Variants in TRIT1 observed in about 807,000 individuals in gnomAD.
TRIT1 encodes the protein tRNA isopentenyltransferase 1.
Under a neutral mutation model 51.2 loss-of-function variants are expected in TRIT1, and 43 were observed. That is an observed-to-expected ratio of 0.84 (90% CI 0.66 to 1.08). TRIT1 has a LOEUF of 1.08. Among genes scored for constraint, TRIT1 ranks in the 50% least tolerant of loss-of-function variants. The probability of loss-of-function intolerance (pLI) is 0.00; values close to 1 mark genes in which losing one functional copy is unlikely to be tolerated. For synonymous variants in TRIT1, 184 were observed against 203.9 expected, an observed-to-expected ratio of 0.90 and a Z score of 0.83; for missense variants, 528 against 578.4, an observed-to-expected ratio of 0.91 and a Z score of 0.89.
At chr1:39,853,005 A>G in intron 3 of TRIT1, 129 bp from the exon 4 acceptor site, 1 of 1,076,488 alleles carries the variant, frequency 9.3e-7, no homozygotes, top group Admixed American at 2.7e-5. Flanking sequence ...AGAGATCATA[A>G]ACAGAAAATT....
intron 1 of TRIT1, among the ~76,000 whole-genome samples, chr1:39,861,890 C>G (rs1480240034): frequency 5.4e-5 from 8 of 149,200 alleles, no homozygotes; most frequent in Non-Finnish European, 1.0e-4. Flanking sequence ...CACCACTGCG[C>G]TCCAGCCTGG....
intron 1 of TRIT1, among the ~76,000 whole-genome samples, chr1:39,858,283 G>T (rs1643017252): frequency 6.6e-6 from 1 of 152,148 alleles, no homozygotes; most frequent in Admixed American, 6.6e-5. Flanking sequence ...TACTTACACG[G>T]GTGTCAAATA....
intron 5 of TRIT1, 146 bp downstream of exon 5, chr1:39,849,973 A>C: frequency 1.2e-6 from 1 of 859,106 alleles, no homozygotes; most frequent in Non-Finnish European, 1.7e-6. Flanking sequence ...TAAGCCAACA[A>C]ATAATGATAA....
chr1:39,875,998 C>T (rs1170832876), intron 1 of TRIT1: 1 of 151,972 alleles, frequency 6.6e-6, no homozygotes, highest in African/African-American at 2.4e-5. Flanking sequence ...TATGATCATT[C>T]CTGTAATGAG....
intron 1 of TRIT1, among the ~76,000 whole-genome samples, chr1:39,875,473 G>C (rs1000093057): frequency 2.6e-5 from 4 of 151,816 alleles, no homozygotes; most frequent in African/African-American, 7.3e-5. Flanking sequence ...GGGTGACAGA[G>C]CGAGACTCTG....
At chr1:39,845,859 G>A (rs1280323355) in intron 8 of TRIT1, among the ~76,000 whole-genome samples, 1 of 152,134 alleles carries the variant, frequency 6.6e-6, no homozygotes, top group Admixed American at 6.5e-5. Context: ...GGGCAGCTGT[G>A]CCTTTCACTC....
At chr1:39,872,810 G>A (rs1211261374) in intron 1 of TRIT1, among the ~76,000 whole-genome samples, 3 of 129,664 alleles carry the variant, frequency 2.3e-5, no homozygotes, top group Non-Finnish European at 4.8e-5. Flanking sequence ...GAGAAAGGAA[G>A]GAAGGGAGGG....
In TRIT1 at chr1:39,857,401, T is replaced by C; in HGVS notation, c.191A>G (p.Asp64Gly). 3 of 1,614,050 alleles carry C rather than the reference T, an allele frequency of 1.9e-6. No individual in the cohort carries two copies. Among genetic ancestry groups the C allele is most frequent in the Non-Finnish European group, 2.5e-6 (3 of 1,179,958 alleles). Residue 64 changes from aspartate (D) to glycine (G), a missense_variant, in exon 2 of 11, where the codon GAC (aspartate) becomes GGC (glycine). Physicochemically the swap from Asp to Gly is moderately conservative, Grantham distance 94. Around this residue, in one of 3 missense-constraint regions of TRIT1, gnomAD observed 468 missense variants for 522.6 expected, o/e 0.90. Coordinates refer to ENST00000316891, the MANE Select transcript of TRIT1 (RefSeq NM_017646.6). ...GGCAGAAACCTTGTTGGTGATGATG[T>C]CTAGGCCTTCATAGACCTAGGGGAA... is the stretch of plus-strand genomic sequence containing the variant. ...ADSMQVYEGL[D>G]IITNKVSAQE...
rs1292074449 is a variant in TRIT1, at chr1:39,841,858, G to A, written c.1290C>T (p.Asp430=). 10 of 1,613,968 alleles carry A rather than the reference G, an allele frequency of 6.2e-6. No individual in the cohort carries two copies. Among genetic ancestry groups the A allele is most frequent in the Non-Finnish European group, 8.5e-6 (10 of 1,179,982 alleles). The change falls in exon 11 of 11, where the codon GAC becomes GAT. Residue 430 remains aspartate (D), a synonymous_variant. Transcript: ENST00000316891. ...TTTCTATGGTGTTGACAGCATCTGA[G>A]TCCAATCTTCTTCTTTTCTTCAGTT... is the stretch of plus-strand genomic sequence containing the variant. The part of the protein sequence containing the change: ...LNQLKKRRRL[D]SDAVNTIESQ...
chr1:39,856,342 G>A (rs1435335830), intron 2 of TRIT1, among the ~76,000 whole-genome samples: 6 of 151,976 alleles, frequency 3.9e-5, no homozygotes, highest in Non-Finnish European at 7.4e-5. Flanking sequence ...TAATCAGCTG[G>A]GTGTGGTGGT....
At chr1:39,853,787 A>G (rs1642729855) in intron 3 of TRIT1, among the ~76,000 whole-genome samples, 183 bp downstream of exon 3, 1 of 152,186 alleles carries the variant, frequency 6.6e-6, no homozygotes, top group South Asian at 2.1e-4. Context: ...GCCCCTTCCC[A>G]TAGACCAGCC....
chr1:39,864,709 C>A (rs6686137), intron 1 of TRIT1, among the ~76,000 whole-genome samples: 13,683 of 151,952 alleles, frequency 0.09, 1,232 homozygotes, highest in East Asian at 0.29. Context: ...CAGTTTTTTA[C>A]GTGTACAGCC....
intron 10 of TRIT1, among the ~76,000 whole-genome samples, chr1:39,843,484 CT>C (rs1270695218): frequency 6.6e-6 from 1 of 152,170 alleles, no homozygotes; most frequent in Non-Finnish European, 1.5e-5. Flanking sequence ...GGGATAGAGC[CT>C]TAGGGTGGGG....
At position 39,883,402 on chromosome 1, in the gene TRIT1, C is replaced by T; in HGVS notation, c.90G>A (p.Gly30=). 1 of 1,613,810 alleles carries T rather than the reference C, an allele frequency of 6.2e-7. No individual in the cohort carries two copies. Among genetic ancestry groups the T allele is most frequent in the South Asian group, 1.1e-5 (1 of 91,046 alleles). Residue 30 remains glycine (G), a synonymous_variant, in exon 1 of 11, where the codon GGG becomes GGA. Transcript: ENST00000316891. The part of the protein sequence containing the change: ...QRTLPLVVIL[G]ATGTGKSTLA... ...GCGTGGATTTGCCGGTGCCCGTGGC[C>T]CCGAGAATCACTACAAGAGGTAGGG... is the stretch of plus-strand genomic sequence containing the variant.
chr1:39,872,316 T>C (rs185776209), intron 1 of TRIT1, among the ~76,000 whole-genome samples: 2 of 151,812 alleles, frequency 1.3e-5, no homozygotes, highest in East Asian at 3.9e-4. Flanking sequence ...TGATATAACC[T>C]CAGAGAGGAA....
intron 1 of TRIT1, among the ~76,000 whole-genome samples, chr1:39,867,086 C>A (rs913844799): frequency 6.6e-6 from 1 of 152,330 alleles, no homozygotes; most frequent in East Asian, 1.9e-4. Flanking sequence ...GGCTTTTATT[C>A]TTTCCTACGG....
intron 1 of TRIT1, chr1:39,881,595 A>G (rs1385995043): frequency 6.6e-6 from 1 of 151,974 alleles, no homozygotes; most frequent in Non-Finnish European, 1.5e-5. Context: ...GTAGTGAGAA[A>G]GGGCCAAAGA....
At chr1:39,860,965 C>T (rs1643203544) in intron 1 of TRIT1, among the ~76,000 whole-genome samples, 1 of 152,104 alleles carries the variant, frequency 6.6e-6, no homozygotes, top group Non-Finnish European at 1.5e-5. Context: ...GTAATCTCAG[C>T]TACTCAGGGG....
Position 39,841,933 on chromosome 1 carries a change from CCAAACAA to C in TRIT1, c.1235-27_1235-21del, listed in dbSNP as rs1641932019. 1 of 1,581,002 alleles carries C rather than the reference CCAAACAA, an allele frequency of 6.3e-7. No individual in the cohort carries two copies. The highest frequency in any genetic ancestry group is 8.6e-7 in the Non-Finnish European group (1 of 1,167,816). Reference sequence around the variant, plus strand: ...TGTGCGCTGATAAGACAAAATCAAACCAAACAAACAAAAAAACTCATTAGGAATTTTC... The same window carrying C: ...TGTGCGCTGATAAGACAAAATCAAACACAAAAAAACTCATTAGGAATTTTC... On this transcript the variant is annotated intron_variant, in intron 10 of 10. Transcript: ENST00000316891.
Sources: gnomAD v4.1 joint callset for allele counts (sites outside exome capture counted in the v4.1 genomes callset) on GRCh38, gnomAD v4.1.1 for gene constraint, gnomAD v4.1.1 regional missense constraint, MANE v1.5 for transcripts, NCBI Gene and HGNC (gene_info 2026-07-23, HGNC 2026-07-21) for gene names.